Variants in NMUR1 observed in about 807,000 individuals in gnomAD.
NMUR1 encodes the protein neuromedin U receptor 1.
Under a neutral mutation model 18.8 loss-of-function variants are expected in NMUR1, and 16 were observed. That is an observed-to-expected ratio of 0.85 (90% confidence interval 0.58 to 1.29). The LOEUF is 1.29. NMUR1 is among the 50% of genes most tolerant of loss of function. The pLI, the probability that NMUR1 is intolerant of heterozygous loss-of-function variation, is 0.00. For missense variants in NMUR1, 529 were observed against 580.3 expected, an observed-to-expected ratio of 0.91 and a Z score of 0.91; for synonymous variants, 258 against 258.2, an observed-to-expected ratio of 1.00 and a Z score of 0.01.
At position 231,530,363 on chromosome 2, in the gene NMUR1, C is replaced by T. The variant is rs1469291145; in HGVS notation, c.-2G>A. 3.4e-6 allele frequency: 5 copies of T among 1,486,936 alleles called. No homozygotes were observed. Among genetic ancestry groups the T allele is most frequent in the East Asian group, 2.9e-5 (1 of 35,020 alleles). 92.1% of individuals were successfully genotyped at this position (1,486,936 alleles called of 1,614,324 possible). A position where few individuals can be genotyped will look rare whatever the true frequency, so the allele number is the denominator to read the frequency against. On this transcript the variant is annotated 5_prime_UTR_variant, in exon 1 of 3. Transcript: ENST00000305141. ...CGCCGGCGCCTGCGCACCTACCATG[C>T]GGCCCGCGGCCCGCGAGACCCCGGC...
chr2:231,529,746 G>A (rs79137552), intron 1 of NMUR1, among the ~76,000 whole-genome samples: 1 of 152,186 alleles, frequency 6.6e-6, no homozygotes, highest in South Asian at 2.1e-4. Context: ...GACCTTTAGC[G>A]AGGTAACCTC....
intron 2 of NMUR1, 111 bp from the exon 3 acceptor site, chr2:231,525,536 C>T: frequency 8.2e-7 from 1 of 1,220,660 alleles, no homozygotes. Flanking sequence ...CCACAGGCCA[C>T]CCTCACCTAT....
chr2:231,519,154 G>C (rs1160489546), downstream of NMUR1, among the ~76,000 whole-genome samples: 1 of 152,244 alleles, frequency 6.6e-6, no homozygotes, highest in Non-Finnish European at 1.5e-5. Flanking sequence ...GTGTTGCTTA[G>C]AGCTGAAGAA....
chr2:231,528,994 A>G lies in NMUR1; in HGVS notation c.27T>C (p.Ser9=), dbSNP rs772863403. Residue 9 remains serine, a synonymous_variant, in exon 2 of 3, where the codon TCT becomes TCC. Coordinates refer to ENST00000305141, the MANE Select transcript of NMUR1 (RefSeq NM_006056.5). The part of the protein sequence containing the change: MTPLCLNC[S]VLPGDLYPGG... ...CTGGGTACAGGTCTCCAGGGAGGAC[A>G]GAGCAATTGAGGCAGAGAGGAGTCT... The G allele has an allele frequency of 6.2e-7, 1 of 1,609,002 alleles. No individual in the cohort carries two copies. Among genetic ancestry groups the G allele is most frequent in the South Asian group, 1.1e-5 (1 of 90,938 alleles).
At position 231,528,157 on chromosome 2, in the gene NMUR1, G is replaced by C. The variant is rs200462040; in HGVS notation, c.864C>G (p.His288Gln). The C allele has an allele frequency of 1.5e-5, 23 of 1,565,974 alleles. No individual in the cohort carries two copies. The highest frequency in any genetic ancestry group is 2.0e-5 in the Non-Finnish European group (23 of 1,154,418). ...TGGTCACTTGTCTCCGGCCCCGATC[G>C]TGCTGCTGGAGCCTGCAGGTGTATC... Reference protein sequence around the residue: ...RSRYTCRLQQHDRGRRQVTKM... With the variant: ...RSRYTCRLQQQDRGRRQVTKM... Residue 288 changes from histidine (H) to glutamine (Q), a missense_variant, in exon 2 of 3, where the codon CAC (histidine) becomes CAG (glutamine). Coordinates refer to ENST00000305141, the MANE Select transcript of NMUR1 (RefSeq NM_006056.5).
downstream of NMUR1, among the ~76,000 whole-genome samples, chr2:231,518,854 C>G (rs546532394): frequency 6.6e-6 from 1 of 152,172 alleles, no homozygotes; most frequent in South Asian, 2.1e-4. Flanking sequence ...TGACATCCCT[C>G]ATTCCCTTTA....
At position 231,525,152 on chromosome 2, in the gene NMUR1, C is replaced by G. The variant is rs779616898; in HGVS notation, c.1172G>C (p.Arg391Thr). ...RPRHSSHSLS[R>T]MTTGSTLCDV... ...ACACAGGGTGCTGCCTGTGGTCATCCTGCTGAGGCTGTGGGAGCTGTGGCG... is the reference window on the plus strand; with the variant it reads ...ACACAGGGTGCTGCCTGTGGTCATCGTGCTGAGGCTGTGGGAGCTGTGGCG... The change falls in exon 3 of 3, where the codon AGG becomes ACG. Residue 391 changes from arginine (R) to threonine (T), a missense_variant. Arg to Thr is a moderately conservative substitution (Grantham distance 71). Transcript: ENST00000305141. The G allele has an allele frequency of 8.7e-6, 14 of 1,614,016 alleles. No individual in the cohort carries two copies. The highest frequency in any genetic ancestry group is 1.0e-5 in the Non-Finnish European group (12 of 1,180,022).
downstream of NMUR1, among the ~76,000 whole-genome samples, chr2:231,519,115 G>A (rs2047287857): frequency 6.6e-6 from 1 of 152,204 alleles, no homozygotes; most frequent in Non-Finnish European, 1.5e-5. Flanking sequence ...CATGGTTGGT[G>A]CTCAATAAAT....
downstream of NMUR1, among the ~76,000 whole-genome samples, chr2:231,518,894 T>A (rs1050949274): frequency 1.3e-5 from 2 of 152,168 alleles, no homozygotes; most frequent in Non-Finnish European, 2.9e-5. Context: ...TGATTCAGTT[T>A]TGGTGGAACT....
At chr2:231,530,215 A>T (rs1575290933) in intron 1 of NMUR1, 144 bp downstream of exon 1, 1 of 999,452 alleles carries the variant, frequency 1.0e-6, no homozygotes, top group Non-Finnish European at 1.4e-6. Flanking sequence ...AAATGACCCG[A>T]GAAGTTGCGA....
intron 2 of NMUR1, among the ~76,000 whole-genome samples, chr2:231,526,992 C>G (rs868050188): frequency 1.3e-5 from 2 of 152,206 alleles, no homozygotes; most frequent in African/African-American, 2.4e-5. Flanking sequence ...CCTTCACAGA[C>G]ACGCCTCGGG....
chr2:231,522,144 T>C (rs2047310669), downstream of NMUR1, among the ~76,000 whole-genome samples: 1 of 151,892 alleles, frequency 6.6e-6, no homozygotes, highest in African/African-American at 2.4e-5. Context: ...CACACCTGGC[T>C]ACTTTTTGTG....
In NMUR1 at chr2:231,528,286, G is replaced by C. The variant is rs779290553; in HGVS notation, c.735C>G (p.Ala245=). The change falls in exon 2 of 3, where the codon GCC becomes GCG. Residue 245 remains alanine (A), a synonymous_variant. Coordinates refer to ENST00000305141, the MANE Select transcript of NMUR1 (RefSeq NM_006056.5). ...TALLFFCLPM[A]IMSVLYLLIG... ...TGAGCAGGTAGAGCACGCTCATGAT[G>C]GCCATGGGCAGGCAGAAGAAGAGCA... is the stretch of plus-strand genomic sequence containing the variant. The C allele has an allele frequency of 4.3e-6, 7 of 1,613,704 alleles. No individual in the cohort carries two copies. Among genetic ancestry groups the C allele is most frequent in the Middle Eastern group, 1.7e-4 (1 of 6,054 alleles).
downstream of NMUR1, among the ~76,000 whole-genome samples, chr2:231,519,204 G>A (rs1041397727): frequency 2.6e-5 from 4 of 152,212 alleles, no homozygotes; most frequent in Non-Finnish European, 4.4e-5. Flanking sequence ...AGAAACTCTT[G>A]TGGATGTTCC....
Position 231,528,929 on chromosome 2 carries a change from G to C in NMUR1, c.92C>G (p.Ala31Gly). 3 of 1,614,148 alleles carry C rather than the reference G, an allele frequency of 1.9e-6. No homozygotes were observed. Among genetic ancestry groups the C allele is most frequent in the Non-Finnish European group, 2.5e-6 (3 of 1,180,022 alleles). Reference sequence around the variant, plus strand: ...GTCCTCAGGGTCAAAGTGCCCCCTGGCCGCACTGCCATTGCAAGCCATGGG... The same window carrying C: ...GTCCTCAGGGTCAAAGTGCCCCCTGCCCGCACTGCCATTGCAAGCCATGGG... Reference protein sequence around the residue: ...RNPMACNGSAARGHFDPEDLN... With the variant: ...RNPMACNGSAGRGHFDPEDLN... The change falls in exon 2 of 3, where the codon GCC becomes GGC. Residue 31 changes from alanine (A) to glycine (G), a missense_variant. By Grantham distance (60) the Ala-to-Gly change is moderately conservative (BLOSUM62 0). Coordinates refer to ENST00000305141, the MANE Select transcript of NMUR1 (RefSeq NM_006056.5).
At chr2:231,519,302 C>T (rs866806126), downstream of NMUR1, among the ~76,000 whole-genome samples, 2 of 152,192 alleles carry the variant, frequency 1.3e-5, no homozygotes, top group African/African-American at 2.4e-5. Flanking sequence ...TACCCAAGTT[C>T]GCCTTCCCTG....
chr2:231,529,757 T>C (rs1377142823), intron 1 of NMUR1, among the ~76,000 whole-genome samples: 3 of 152,158 alleles, frequency 2.0e-5, no homozygotes, highest in Non-Finnish European at 2.9e-5. Flanking sequence ...AGGTAACCTC[T>C]CTGAGGCTGT....
intron 2 of NMUR1, 40 bp from the exon 3 acceptor site, chr2:231,525,465 G>T: frequency 1.9e-6 from 3 of 1,562,888 alleles, no homozygotes; most frequent in Non-Finnish European, 1.7e-6. Flanking sequence ...CCCGCCCGAG[G>T]CCCCTCAGCT....
rs770697195 is a variant in NMUR1, at chr2:231,525,240, G to T, written c.1084C>A (p.Arg362Ser). 1 of 1,614,166 alleles carries T rather than the reference G, an allele frequency of 6.2e-7. No individual in the cohort carries two copies. The highest frequency in any genetic ancestry group is 8.5e-7 in the Non-Finnish European group (1 of 1,180,030). ...GCCTCCTGGAAGGTCTCTCGGAAGCGGCTGGACATGAGGCTATAGAGCACG... is the reference window on the plus strand; with the variant it reads ...GCCTCCTGGAAGGTCTCTCGGAAGCTGCTGGACATGAGGCTATAGAGCACG... ...NPVLYSLMSS[R>S]FRETFQEALC... is the part of the protein sequence containing the mutation. The change falls in exon 3 of 3, where the codon CGC becomes AGC. Residue 362 changes from arginine (R) to serine (S), a missense_variant. Arg to Ser is a moderately radical substitution (Grantham distance 110, BLOSUM62 -1). Coordinates refer to ENST00000305141, the MANE Select transcript of NMUR1 (RefSeq NM_006056.5).
Sources: allele counts gnomAD v4.1 joint callset (sites outside exome capture counted in the v4.1 genomes callset), GRCh38; gene constraint gnomAD v4.1.1; transcripts MANE v1.5; gene names NCBI Gene and HGNC (gene_info 2026-07-23, HGNC 2026-07-21).